The following ZSWIM5 variants were observed in gnomAD, a reference collection of about 807,000 sequenced individuals.
ZSWIM5 encodes the protein zinc finger SWIM domain-containing protein 5.
A neutral mutation model predicts 119.6 loss-of-function variants in ZSWIM5; 55 were observed. The ratio of observed to expected loss-of-function variants is 0.46; its 90% CI spans 0.37 to 0.58. ZSWIM5 has a LOEUF of 0.58. Among genes scored for constraint, ZSWIM5 ranks in the 20% least tolerant of loss-of-function variants. The probability of loss-of-function intolerance (pLI) is 0.00; values close to 1 mark genes in which losing one functional copy is unlikely to be tolerated. For missense variants in ZSWIM5, 1,193 were observed against 1,512.8 expected (o/e 0.79, Z 3.51); for synonymous variants, 537 against 606.9 (o/e 0.88, Z 1.69).
At chr1:45,177,157 T>C (rs898996880) in intron 1 of ZSWIM5, among the ~76,000 whole-genome samples, 1 of 152,086 alleles carries the variant, frequency 6.6e-6, no homozygotes, top group Non-Finnish European at 1.5e-5. Flanking sequence ...TATACAGTGA[T>C]TATGTTTCTA....
intron 1 of ZSWIM5, among the ~76,000 whole-genome samples, chr1:45,096,908 T>C (rs1277648093): frequency 6.6e-6 from 1 of 152,230 alleles, no homozygotes; most frequent in Non-Finnish European, 1.5e-5. Flanking sequence ...CCCACCATCA[T>C]GTCATCCTAT....
chr1:45,089,204 C>A (rs147446413), intron 1 of ZSWIM5, among the ~76,000 whole-genome samples: 8 of 152,300 alleles, frequency 5.3e-5, no homozygotes, highest in African/African-American at 1.4e-4. Flanking sequence ...TGGTCTTGAA[C>A]TCCAGGGCTC....
At chr1:45,157,310 G>A (rs1283394387) in intron 1 of ZSWIM5, among the ~76,000 whole-genome samples, 2 of 152,074 alleles carry the variant, frequency 1.3e-5, no homozygotes, top group African/African-American at 4.8e-5. Flanking sequence ...AAGTAGCTGG[G>A]ACTACAGGCG....
intron 1 of ZSWIM5, among the ~76,000 whole-genome samples, chr1:45,135,123 G>T (rs1288026351): frequency 7.4e-6 from 1 of 135,186 alleles, no homozygotes. Context: ...CGGTAATTCT[G>T]TTTTTTTTTT....
At chr1:45,058,972 G>C (rs1023552354) in intron 3 of ZSWIM5, among the ~76,000 whole-genome samples, 1 of 152,148 alleles carries the variant, frequency 6.6e-6, no homozygotes, top group African/African-American at 2.4e-5. Flanking sequence ...CACCCACTAG[G>C]ATGGCTAGAA....
At chr1:45,136,407 G>A (rs1045882537) in intron 1 of ZSWIM5, among the ~76,000 whole-genome samples, 9 of 151,998 alleles carry the variant, frequency 5.9e-5, no homozygotes, top group Admixed American at 1.3e-4. Flanking sequence ...CACCGCATCC[G>A]GCCCATTTGG....
rs370029184 is a variant in ZSWIM5, at chr1:45,190,257, G to A, written c.595+15499C>T. ...GGAGGATCACCTGGGCCAGGAAGCT[G>A]GAGATTGCAGTGAGCTGAGATCATA... On this transcript the variant is annotated intron_variant, in intron 1 of 13. Coordinates refer to ENST00000359600, the MANE Select transcript of ZSWIM5 (RefSeq NM_020883.2). 3.9e-5 allele frequency among the ~76,000 whole-genome samples: 6 copies of A among 152,126 alleles called. No individual in the cohort carries two copies. The East Asian group carries it at 9.7e-4, about 25-fold the overall frequency.
intron 1 of ZSWIM5, among the ~76,000 whole-genome samples, chr1:45,163,357 C>G (rs1645877228): frequency 6.6e-6 from 1 of 152,174 alleles, no homozygotes; most frequent in African/African-American, 2.4e-5. Flanking sequence ...GATAAAACCA[C>G]AAAGATGGGC....
chr1:45,042,610 G>C (rs1570013295), intron 6 of ZSWIM5, among the ~76,000 whole-genome samples: 1 of 152,286 alleles, frequency 6.6e-6, no homozygotes, highest in South Asian at 2.1e-4. Flanking sequence ...GTAAGGCTTG[G>C]AAAATGAATA....
chr1:45,135,276 A>G, intron 1 of ZSWIM5, among the ~76,000 whole-genome samples: 1 of 152,278 alleles, frequency 6.6e-6, no homozygotes, highest in Non-Finnish European at 1.5e-5. Flanking sequence ...TGAGGTAGGG[A>G]GGAGAGGAAA....
chr1:45,073,624 G>GTTT (rs1235040851), intron 2 of ZSWIM5, among the ~76,000 whole-genome samples: 1 of 151,544 alleles, frequency 6.6e-6, no homozygotes, highest in Non-Finnish European at 1.5e-5. Context: ...AATTCTAATA[G>GTTT]TTTTTTGGTG....
chr1:45,155,281 C>T (rs956170916), intron 1 of ZSWIM5, among the ~76,000 whole-genome samples: 3 of 152,092 alleles, frequency 2.0e-5, no homozygotes, highest in African/African-American at 7.2e-5. Context: ...TGAAAAAATG[C>T]TCACCATAAA....
chr1:45,147,081 T>G (rs1041248327), intron 1 of ZSWIM5, among the ~76,000 whole-genome samples: 2 of 151,374 alleles, frequency 1.3e-5, no homozygotes, highest in African/African-American at 4.9e-5. Flanking sequence ...TTATCAACTT[T>G]TTTTTTTTTT....
At chr1:45,168,434 A>G (rs1645923091) in intron 1 of ZSWIM5, among the ~76,000 whole-genome samples, 2 of 151,932 alleles carry the variant, frequency 1.3e-5, no homozygotes, top group South Asian at 4.2e-4. Context: ...TACATATGTA[A>G]CAAACTTGCA....
intron 1 of ZSWIM5, among the ~76,000 whole-genome samples, chr1:45,149,915 A>G (rs1336343398): frequency 6.6e-6 from 1 of 152,164 alleles, no homozygotes; most frequent in African/African-American, 2.4e-5. Context: ...TCACACCTAT[A>G]ACTCCAGCTT....
intron 2 of ZSWIM5, among the ~76,000 whole-genome samples, chr1:45,076,109 T>C (rs1457590359): frequency 6.6e-6 from 1 of 152,216 alleles, no homozygotes; most frequent in Non-Finnish European, 1.5e-5. Flanking sequence ...TTATTTGTGA[T>C]TGGTTCATAG....
chr1:45,064,946 T>C (rs910544209), intron 2 of ZSWIM5, among the ~76,000 whole-genome samples: 6 of 152,184 alleles, frequency 3.9e-5, no homozygotes, highest in African/African-American at 9.7e-5. Flanking sequence ...CTGTAACTGA[T>C]GGTGTATCTG....
chr1:45,153,493 G>A (rs1196117400), intron 1 of ZSWIM5, among the ~76,000 whole-genome samples: 1 of 145,408 alleles, frequency 6.9e-6, no homozygotes, highest in Non-Finnish European at 1.5e-5. Flanking sequence ...GCAACAGAGT[G>A]AGACTCTGTC....
At chr1:45,172,539 G>A (rs953067166) in intron 1 of ZSWIM5, among the ~76,000 whole-genome samples, 10 of 152,116 alleles carry the variant, frequency 6.6e-5, no homozygotes, top group African/African-American at 2.4e-4. Flanking sequence ...AATGGCTGTT[G>A]TAATTGGTAG....
Sources: allele counts gnomAD v4.1 joint callset (sites outside exome capture counted in the v4.1 genomes callset), GRCh38; gene constraint gnomAD v4.1.1; transcripts MANE v1.5; gene names NCBI Gene and HGNC (gene_info 2026-07-23, HGNC 2026-07-21).